Variants in AFG1L observed in about 807,000 individuals in gnomAD.
AFG1L encodes the protein AFG1 like ATPase.
Under a neutral mutation model 62.2 loss-of-function variants are expected in AFG1L, and 53 were observed. The observed-to-expected ratio is 0.85, with a 90% CI of 0.68 to 1.07. The LOEUF (loss-of-function observed/expected upper bound fraction) is 1.07. Ranked by LOEUF, AFG1L falls within the 50% of genes least tolerant of loss-of-function variation. The pLI, the probability that AFG1L is intolerant of heterozygous loss-of-function variation, is 0.00. For synonymous variants in AFG1L, 228 were observed against 210.3 expected, an observed-to-expected ratio of 1.08 and a Z score of -0.73; for missense variants, 555 against 590.5, an observed-to-expected ratio of 0.94 and a Z score of 0.62.
intron 8 of AFG1L, among the ~76,000 whole-genome samples, chr6:108,463,155 G>C (rs1000779719): frequency 2.0e-5 from 3 of 151,930 alleles, no homozygotes; most frequent in African/African-American, 7.3e-5. Context: ...CAGGTATGGT[G>C]GTGCATGCCT....
chr6:108,411,706 A>G (rs1179972092), intron 7 of AFG1L, among the ~76,000 whole-genome samples: 1 of 152,216 alleles, frequency 6.6e-6, no homozygotes, highest in Non-Finnish European at 1.5e-5. Flanking sequence ...TGACTGTTAG[A>G]AGGAAAACTA....
chr6:108,358,952 G>T (rs1244566434), intron 5 of AFG1L: 3 of 152,202 alleles, frequency 2.0e-5, no homozygotes, highest in Non-Finnish European at 4.4e-5. Context: ...AGCAAGCAGG[G>T]CAACTTGCCC....
intron 7 of AFG1L, among the ~76,000 whole-genome samples, chr6:108,420,913 G>A (rs371472841): frequency 3.9e-5 from 6 of 152,106 alleles, no homozygotes; most frequent in African/African-American, 1.4e-4. Flanking sequence ...CTTAAAGGAA[G>A]TGTGTCTTAA....
At chr6:108,372,571 G>A (rs1040561451) in intron 6 of AFG1L, among the ~76,000 whole-genome samples, 7 of 151,892 alleles carry the variant, frequency 4.6e-5, no homozygotes, top group Non-Finnish European at 1.0e-4. Context: ...CTTGTGATCC[G>A]CCCACCTCGG....
chr6:108,500,181 T>TGTGC (rs1364142872), intron 10 of AFG1L, among the ~76,000 whole-genome samples: 6 of 149,168 alleles, frequency 4.0e-5, no homozygotes, highest in African/African-American at 1.5e-4. Context: ...CGTGTGTGTG[T>TGTGC]GTGTGTGTGT....
intron 10 of AFG1L, among the ~76,000 whole-genome samples, chr6:108,486,510 A>T (rs1188136329): frequency 6.6e-6 from 1 of 152,180 alleles, no homozygotes; most frequent in Admixed American, 6.6e-5. Flanking sequence ...CTTGGTGAAG[A>T]TATTATTGAG....
intron 2 of AFG1L, among the ~76,000 whole-genome samples, chr6:108,333,236 C>A (rs1328320122): frequency 6.6e-6 from 1 of 151,544 alleles, no homozygotes; most frequent in Non-Finnish European, 1.5e-5. Flanking sequence ...ATGGTGAAAC[C>A]CCGTCTGTAC....
At chr6:108,511,204 GAGA>G (rs1228899276) in intron 11 of AFG1L, among the ~76,000 whole-genome samples, 8 of 151,948 alleles carry the variant, frequency 5.3e-5, no homozygotes, top group South Asian at 2.1e-4. Context: ...GGAGGAGAAG[GAGA>G]AGGAGAAGAA....
chr6:108,316,812 A>G (rs1447169026), intron 1 of AFG1L, among the ~76,000 whole-genome samples: 5 of 152,128 alleles, frequency 3.3e-5, no homozygotes, highest in Admixed American at 6.5e-5. Flanking sequence ...GATTACAAGC[A>G]TGAGCCACCG....
At chr6:108,392,356 T>C (rs1265400279) in intron 6 of AFG1L, among the ~76,000 whole-genome samples, 3 of 152,178 alleles carry the variant, frequency 2.0e-5, no homozygotes, top group Non-Finnish European at 2.9e-5. Flanking sequence ...AAAATTACTT[T>C]TAGGTGATGT....
At chr6:108,493,416 C>T (rs1289638349) in intron 10 of AFG1L, among the ~76,000 whole-genome samples, 1 of 152,204 alleles carries the variant, frequency 6.6e-6, no homozygotes, top group Non-Finnish European at 1.5e-5. Flanking sequence ...TGCCTTCTGA[C>T]TGCCCCTCAC....
chr6:108,486,742 G>A lies in AFG1L; in HGVS notation c.1062+9450G>A, dbSNP rs879491960. On this transcript the variant is annotated intron_variant, in intron 10 of 12. Coordinates refer to ENST00000368977, the MANE Select transcript of AFG1L (RefSeq NM_145315.5). ...TTTTCTTTTTCTTTTTTTTTGAGAC[G>A]GAGTCTTGCTCTGTCACCCAGGCAT... 4.0e-5 allele frequency among the ~76,000 whole-genome samples: 6 copies of A among 151,156 alleles called. No individual in the cohort carries two copies. The East Asian group carries it at 5.8e-4, about 15-fold the overall frequency.
At chr6:108,515,187 G>A (rs1366171233) in intron 11 of AFG1L, among the ~76,000 whole-genome samples, 1 of 152,116 alleles carries the variant, frequency 6.6e-6, no homozygotes, top group Non-Finnish European at 1.5e-5. Context: ...CAGATCAACA[G>A]AATATACATT....
intron 10 of AFG1L, among the ~76,000 whole-genome samples, chr6:108,495,493 G>A (rs892250876): frequency 6.6e-6 from 1 of 152,222 alleles, no homozygotes; most frequent in Admixed American, 6.5e-5. Flanking sequence ...ATACTGAAGT[G>A]GATCATTGTA....
intron 11 of AFG1L, among the ~76,000 whole-genome samples, chr6:108,518,508 G>T (rs1339159270): frequency 7.6e-6 from 1 of 131,008 alleles, no homozygotes; most frequent in African/African-American, 2.8e-5. Context: ...TGTGGGGTGG[G>T]GGGAGGGGGG....
chr6:108,445,203 T>C (rs899113951), intron 7 of AFG1L, among the ~76,000 whole-genome samples: 2 of 152,232 alleles, frequency 1.3e-5, no homozygotes, highest in African/African-American at 4.8e-5. Flanking sequence ...TGCAGCTTCC[T>C]CACCTCTCTC....
At position 108,504,219 on chromosome 6, in the gene AFG1L, G is replaced by T. The variant is rs146192982; in HGVS notation, c.1063-5993G>T. Among the ~76,000 whole-genome samples, 112 of 152,284 alleles carry T rather than the reference G, an allele frequency of 7.4e-4. 1 individual carries two copies. The highest frequency in any genetic ancestry group is 2.6e-3 in the African/African-American group (107 of 41,552). ...TTTGGCTCAAGAGGCCTAGCTTTTGGCCTGTCTTGACTTTTGACATGCCTT... is the reference window on the plus strand; with the variant it reads ...TTTGGCTCAAGAGGCCTAGCTTTTGTCCTGTCTTGACTTTTGACATGCCTT... On this transcript the variant is annotated intron_variant, in intron 10 of 12. Coordinates refer to ENST00000368977, the MANE Select transcript of AFG1L (RefSeq NM_145315.5).
chr6:108,447,397 G>A, intron 8 of AFG1L, 101 bp downstream of exon 8: 1 of 626,946 alleles, frequency 1.6e-6, no homozygotes, highest in South Asian at 2.2e-5. Flanking sequence ...GGCTGGTTCT[G>A]AAGCCCATGA....
chr6:108,311,385 T>G (rs140687338), intron 1 of AFG1L, among the ~76,000 whole-genome samples: 82 of 152,342 alleles, frequency 5.4e-4, no homozygotes, highest in African/African-American at 1.9e-3. Context: ...TAACCTAGAT[T>G]ACTAGCTTTG....
Sources: gnomAD v4.1 joint callset for allele counts (sites outside exome capture counted in the v4.1 genomes callset) on GRCh38, gnomAD v4.1.1 for gene constraint, MANE v1.5 for transcripts, NCBI Gene and HGNC (gene_info 2026-07-23, HGNC 2026-07-21) for gene names.